Variants in OPCML observed in about 807,000 individuals in gnomAD.
OPCML encodes the protein opioid binding protein/cell adhesion molecule like.
A neutral mutation model predicts 37.8 loss-of-function variants in OPCML; 13 were observed. The observed-to-expected ratio is 0.34, with a 90% CI of 0.22 to 0.55. The LOEUF is 0.55. Among genes scored for constraint, OPCML ranks in the 20% least tolerant of loss-of-function variants. The probability of loss-of-function intolerance (pLI) is 0.91; values close to 1 mark genes in which losing one functional copy is unlikely to be tolerated. For missense variants in OPCML, 341 were observed against 435.6 expected (o/e 0.78, Z 1.93); for synonymous variants, 176 against 168.8 (o/e 1.04, Z -0.33).
intron 1 of OPCML, among the ~76,000 whole-genome samples, chr11:133,355,282 T>A (rs1028197409): frequency 6.6e-6 from 1 of 152,194 alleles, no homozygotes; most frequent in Non-Finnish European, 1.5e-5. Context: ...TTGCAGCTCA[T>A]CCTCCTAGCA....
chr11:132,755,800 A>G (rs1384311019), intron 2 of OPCML, among the ~76,000 whole-genome samples: 1 of 152,196 alleles, frequency 6.6e-6, no homozygotes, highest in Admixed American at 6.5e-5. Flanking sequence ...CAAAGCAACA[A>G]CACAGGTATA....
intron 1 of OPCML, among the ~76,000 whole-genome samples, chr11:133,219,736 G>T (rs940171198): frequency 1.3e-5 from 2 of 152,176 alleles, no homozygotes; most frequent in African/African-American, 4.8e-5. Flanking sequence ...CTCAAGCGGG[G>T]ACAACTGTGC....
chr11:133,398,825 C>T (rs1277295086), intron 1 of OPCML, among the ~76,000 whole-genome samples: 1 of 151,608 alleles, frequency 6.6e-6, no homozygotes, highest in East Asian at 1.9e-4. Context: ...TTTCATCTCC[C>T]GGCCAGGGTC....
rs537461622 is a variant in OPCML at position 133,344,210 on chromosome 11, G to T, written c.61+188054C>A. On this transcript the variant is annotated intron_variant, in intron 1 of 7. Transcript: ENST00000524381. ...CAGCCCTCACTCCTGCTAGAATAAG[G>T]GACACGATCTGGCCGCCCCAGGTGG... 1.1e-4 allele frequency among the ~76,000 whole-genome samples: 17 copies of T among 152,244 alleles called. 1 individual carries two copies. Among genetic ancestry groups the T allele is most frequent in the African/African-American group, 3.9e-4 (16 of 41,538 alleles).
intron 1 of OPCML, among the ~76,000 whole-genome samples, chr11:133,466,727 T>C (rs1010120212): frequency 6.6e-6 from 1 of 152,208 alleles, no homozygotes; most frequent in African/African-American, 2.4e-5. Flanking sequence ...TCAATGATAA[T>C]ATACTAATAC....
At chr11:132,439,237 C>G (rs2096023636) in intron 4 of OPCML, among the ~76,000 whole-genome samples, 1 of 152,158 alleles carries the variant, frequency 6.6e-6, no homozygotes, top group Non-Finnish European at 1.5e-5. Context: ...GATCCCCAGA[C>G]TGAAGAAATG....
chr11:133,232,546 C>G (rs1940325155), intron 1 of OPCML, among the ~76,000 whole-genome samples: 1 of 151,986 alleles, frequency 6.6e-6, no homozygotes, highest in African/African-American at 2.4e-5. Flanking sequence ...AGAAGAGATT[C>G]CAGGTGTGAA....
intron 1 of OPCML, among the ~76,000 whole-genome samples, chr11:133,445,381 C>T (rs61158208): frequency 0.058 from 8,770 of 152,182 alleles, 461 homozygotes; most frequent in African/African-American, 0.14. Context: ...CTCAGGCAGA[C>T]CTGCTCTCTG....
At chr11:132,736,209 G>C (rs572995032) in intron 2 of OPCML, among the ~76,000 whole-genome samples, 48 of 152,258 alleles carry the variant, frequency 3.2e-4, no homozygotes, top group African/African-American at 1.1e-3. Flanking sequence ...GTGGTGGGGA[G>C]AGCAGGAAAA....
Position 132,756,806 on chromosome 11 carries a change from G to A in OPCML, c.147-99487C>T, listed in dbSNP as rs139715511. The stretch of plus-strand genomic sequence containing the variant: ...TTTTTCTTTTTTTATTATACTTTAA[G>A]TTCTGGGATACATGTGCAGAACGTG... On this transcript the variant is annotated intron_variant, in intron 2 of 7. Transcript: ENST00000524381. 2.8e-3 allele frequency among the ~76,000 whole-genome samples: 429 copies of A among 152,102 alleles called. 4 individuals carry two copies. The highest frequency in any genetic ancestry group is 9.7e-3 in the African/African-American group (403 of 41,474).
intron 2 of OPCML, among the ~76,000 whole-genome samples, chr11:132,684,919 G>GT (rs2135865795): frequency 6.6e-6 from 1 of 152,280 alleles, no homozygotes; most frequent in East Asian, 1.9e-4. Flanking sequence ...TATTGGTACA[G>GT]CTATTAGATA....
intron 1 of OPCML, among the ~76,000 whole-genome samples, chr11:133,516,294 G>A (rs775032708): frequency 3.3e-5 from 5 of 152,292 alleles, no homozygotes; most frequent in South Asian, 2.1e-4. Context: ...TCTCCACTGC[G>A]TTCTGTTATG....
chr11:133,034,679 T>C (rs143279066), intron 1 of OPCML, among the ~76,000 whole-genome samples: 142 of 152,184 alleles, frequency 9.3e-4, no homozygotes, highest in African/African-American at 3.2e-3. Context: ...AGATCTATGA[T>C]GCTTAGACGC....
chr11:132,539,836 T>A (rs1486636605), intron 3 of OPCML, among the ~76,000 whole-genome samples: 2 of 151,828 alleles, frequency 1.3e-5, no homozygotes, highest in Admixed American at 6.6e-5. Flanking sequence ...GATGATGATG[T>A]TGAGGGTAAT....
intron 1 of OPCML, among the ~76,000 whole-genome samples, chr11:133,281,232 G>C (rs1236500460): frequency 6.6e-6 from 1 of 152,154 alleles, no homozygotes; most frequent in African/African-American, 2.4e-5. Flanking sequence ...GTTGAAATAT[G>C]ATCCCCAATG....
intron 1 of OPCML, among the ~76,000 whole-genome samples, chr11:133,207,157 A>G (rs920215433): frequency 3.3e-5 from 5 of 149,442 alleles, no homozygotes; most frequent in African/African-American, 9.8e-5. Flanking sequence ...AAAATTAACC[A>G]GGTGTGGTGG....
intron 1 of OPCML, among the ~76,000 whole-genome samples, chr11:133,011,678 C>A (rs1425064287): frequency 6.6e-6 from 1 of 151,516 alleles, no homozygotes; most frequent in African/African-American, 2.4e-5. Flanking sequence ...TCTTTACAGT[C>A]CCTTCAACAT....
intron 1 of OPCML, among the ~76,000 whole-genome samples, chr11:133,496,439 G>A (rs1444643448): frequency 6.6e-6 from 1 of 152,044 alleles, no homozygotes; most frequent in South Asian, 2.1e-4. Flanking sequence ...CTGTGAAGAA[G>A]GATGGTGGTA....
chr11:133,464,679 T>C (rs1036730696), intron 1 of OPCML, among the ~76,000 whole-genome samples: 1 of 152,114 alleles, frequency 6.6e-6, no homozygotes, highest in Non-Finnish European at 1.5e-5. Context: ...GAGGGCTGTG[T>C]GGCTGAGGTG....
Sources: allele counts gnomAD v4.1 joint callset (sites outside exome capture counted in the v4.1 genomes callset), GRCh38; gene constraint gnomAD v4.1.1; transcripts MANE v1.5; gene names NCBI Gene and HGNC (gene_info 2026-07-23, HGNC 2026-07-21).